The following APPBP2 variants were observed in gnomAD, a reference collection of about 807,000 sequenced individuals.
APPBP2 encodes amyloid protein-binding protein 2.
APPBP2 carries 15 observed loss-of-function variants against 76.0 expected under a neutral mutation model. That is an observed-to-expected ratio of 0.20 (90% CI 0.13 to 0.30). The LOEUF (loss-of-function observed/expected upper bound fraction) is 0.30. APPBP2 is among the 10% of genes least tolerant of loss of function. APPBP2 has a pLI of 1.00. For missense variants in APPBP2, 401 were observed against 687.2 expected, an observed-to-expected ratio of 0.58 and a Z score of 4.66; for synonymous variants, 222 against 242.2, an observed-to-expected ratio of 0.92 and a Z score of 0.77.
rs1332352897 is a variant in APPBP2, at chr17:60,526,239, G to C, written c.-308C>G. On this transcript the variant is annotated 5_prime_UTR_variant, in exon 1 of 13. Coordinates refer to ENST00000083182, the MANE Select transcript of APPBP2 (RefSeq NM_006380.5). ...GATCTCTGCAGGGGCGGGGCTGCGT[G>C]TGCGGCGTCATGACGTAAGCGCACG... The C allele has an allele frequency of 3.3e-6, 1 of 305,280 alleles. No individual in the cohort carries two copies. Among genetic ancestry groups the C allele is most frequent in the Admixed American group, 4.8e-5 (1 of 20,938 alleles). The allele number at this position is 305,280 out of a possible 1,614,324, so 18.9% of individuals were successfully genotyped here.
At chr17:60,518,385 G>C (rs2090981054) in intron 1 of APPBP2, among the ~76,000 whole-genome samples, 1 of 146,750 alleles carries the variant, frequency 6.8e-6, no homozygotes, top group Non-Finnish European at 1.5e-5. Flanking sequence ...GTGTGTGTGT[G>C]TGTGTGTGTG....
chr17:60,505,458 G>A (rs1000671060), intron 1 of APPBP2, among the ~76,000 whole-genome samples: 1 of 152,182 alleles, frequency 6.6e-6, no homozygotes, highest in African/African-American at 2.4e-5. Context: ...TGGGACTACA[G>A]GCGCCTGCCA....
intron 1 of APPBP2, among the ~76,000 whole-genome samples, chr17:60,512,848 AAAAAAAG>A (rs2090926333): frequency 2.0e-5 from 3 of 150,562 alleles, no homozygotes; most frequent in East Asian, 3.9e-4. Context: ...AAAAAAAAAA[AAAAAAAG>A]GAAAGGAAAA....
chr17:60,444,523 G>C lies in APPBP2; in HGVS notation c.*3058C>G, dbSNP rs1231369058. The C allele has an allele frequency of 1.3e-5, 2 of 151,964 alleles. No homozygotes were observed. Among genetic ancestry groups the C allele is most frequent in the Non-Finnish European group, 2.9e-5 (2 of 68,016 alleles). 9.4% of individuals were successfully genotyped at this position (151,964 alleles called of 1,614,324 possible). A position where few individuals can be genotyped will look rare whatever the true frequency, so the allele number is the denominator to read the frequency against. The stretch of plus-strand genomic sequence containing the variant: ...ATTATAAACTTTTCCCAACAGGCTA[G>C]GAACAAAGGTCTTTCTCAAATTATT... On this transcript the variant is annotated 3_prime_UTR_variant, in exon 13 of 13. Transcript: ENST00000083182.
chr17:60,526,051 G>T lies in APPBP2; in HGVS notation c.-120C>A, dbSNP rs935615288. On this transcript the variant is annotated 5_prime_UTR_variant, in exon 1 of 13. Transcript: ENST00000083182. Reference sequence around the variant, plus strand: ...GAGGGGCGGTGGCAGCCACGCGGGCGCACGGCAGAAGGCACGGCCGCCCTG... The same window carrying T: ...GAGGGGCGGTGGCAGCCACGCGGGCTCACGGCAGAAGGCACGGCCGCCCTG... The T allele has an allele frequency of 1.9e-6, 2 of 1,045,586 alleles. No individual in the cohort carries two copies. Among genetic ancestry groups the T allele is most frequent in the African/African-American group, 3.2e-5 (2 of 61,706 alleles). 64.8% of individuals were successfully genotyped at this position (1,045,586 alleles called of 1,614,324 possible).
rs555809580 is a variant in APPBP2 at position 60,503,117 on chromosome 17, A to C, written c.139-2630T>G. On this transcript the variant is annotated intron_variant, in intron 1 of 12. Coordinates refer to ENST00000083182, the MANE Select transcript of APPBP2 (RefSeq NM_006380.5). Reference sequence around the variant, plus strand: ...AACCTCCACCTCCTGGGTTCAAGCGATTCTCCTGCCTCAGCCTCCCGAATA... The same window carrying C: ...AACCTCCACCTCCTGGGTTCAAGCGCTTCTCCTGCCTCAGCCTCCCGAATA... Among the ~76,000 whole-genome samples the C allele has an allele frequency of 3.4e-4, 49 of 142,144 alleles. 1 individual carries two copies. The highest frequency in any genetic ancestry group is 1.4e-4 in the Admixed American group (2 of 14,698). 93.3% of individuals were successfully genotyped at this position (142,144 alleles called of 152,430 possible). A position where few individuals can be genotyped will look rare whatever the true frequency, so the allele number is the denominator to read the frequency against.
intron 12 of APPBP2, 59 bp from the exon 13 acceptor site, chr17:60,447,893 T>C: frequency 6.9e-7 from 1 of 1,458,530 alleles, no homozygotes; most frequent in East Asian, 2.3e-5. Context: ...TAACAAGCAA[T>C]TTCTATAACA....
intron 1 of APPBP2, among the ~76,000 whole-genome samples, chr17:60,503,418 G>C (rs979233696): frequency 7.0e-6 from 1 of 142,066 alleles, no homozygotes; most frequent in Non-Finnish European, 1.5e-5. Context: ...ACAGAGTTTT[G>C]CTCTTGTTGC....
chr17:60,467,941 A>T (rs2090523967), intron 4 of APPBP2, among the ~76,000 whole-genome samples: 1 of 152,222 alleles, frequency 6.6e-6, no homozygotes, highest in Non-Finnish European at 1.5e-5. Context: ...AGAAATGAGA[A>T]GGGAGAGATA....
rs775192269 is a variant in APPBP2, at chr17:60,462,065, A to C, written c.763-4T>G. On this transcript the variant is annotated splice_polypyrimidine_tract_variant and splice_region_variant and intron_variant, in intron 6 of 12. Coordinates refer to ENST00000083182, the MANE Select transcript of APPBP2 (RefSeq NM_006380.5). The stretch of plus-strand genomic sequence containing the variant: ...ATTCACGTTTTACTACACAAGCCTA[A>C]AGATAAAGTGAAAAATGGTTAACTC... 1.9e-6 allele frequency: 3 copies of C among 1,610,720 alleles called. No homozygotes were observed. The South Asian group carries it at 3.3e-5, about 18-fold the overall frequency.
chr17:60,474,260 T>A (rs2090573700), intron 4 of APPBP2, among the ~76,000 whole-genome samples: 1 of 151,754 alleles, frequency 6.6e-6, no homozygotes, highest in East Asian at 1.9e-4. Flanking sequence ...AACCTCCACC[T>A]CCCAGGTTCA....
chr17:60,506,236 C>T (rs1004756232), intron 1 of APPBP2, among the ~76,000 whole-genome samples: 1 of 152,076 alleles, frequency 6.6e-6, no homozygotes, highest in Non-Finnish European at 1.5e-5. Flanking sequence ...TCAAGTGATA[C>T]TCCCACCTAG....
At chr17:60,483,538 C>T (rs1037102689) in intron 3 of APPBP2, among the ~76,000 whole-genome samples, 4 of 152,034 alleles carry the variant, frequency 2.6e-5, no homozygotes, top group African/African-American at 7.2e-5. Flanking sequence ...GGACTATAGG[C>T]GCCCACCACC....
chr17:60,513,579 A>G (rs554360003), intron 1 of APPBP2: 228 of 419,208 alleles, frequency 5.4e-4, no homozygotes, highest in Non-Finnish European at 8.1e-4. Context: ...TTTTATTTTG[A>G]GGGCGGGCAC....
At chr17:60,498,339 A>G (rs1159900453) in intron 2 of APPBP2, among the ~76,000 whole-genome samples, 6 of 152,148 alleles carry the variant, frequency 3.9e-5, no homozygotes, top group East Asian at 1.9e-4. Flanking sequence ...GGGTTGTACA[A>G]TTACTGCCAC....
chr17:60,486,893 T>G (rs2090683729), intron 3 of APPBP2, among the ~76,000 whole-genome samples: 1 of 152,200 alleles, frequency 6.6e-6, no homozygotes, highest in Non-Finnish European at 1.5e-5. Flanking sequence ...GGCCTGGTGG[T>G]GACAAAATCT....
chr17:60,517,258 G>A (rs2090970671), intron 1 of APPBP2, among the ~76,000 whole-genome samples: 1 of 152,198 alleles, frequency 6.6e-6, no homozygotes, highest in African/African-American at 2.4e-5. Flanking sequence ...TTACAGGCGT[G>A]AGCCACCATG....
Position 60,466,470 on chromosome 17 carries a change from C to A in APPBP2, c.504-11G>T. 6.2e-7 allele frequency: 1 copy of A among 1,608,096 alleles called. No individual in the cohort carries two copies. The highest frequency in any genetic ancestry group is 8.5e-7 in the Non-Finnish European group (1 of 1,178,978). ...CGCACATGAAGCAACCTATAAAACACCAATAACATTGCTCTATTTTTGATA... is the reference window on the plus strand; with the variant it reads ...CGCACATGAAGCAACCTATAAAACAACAATAACATTGCTCTATTTTTGATA... On this transcript the variant is annotated splice_polypyrimidine_tract_variant and intron_variant, in intron 4 of 12. Transcript: ENST00000083182.
Position 60,445,950 on chromosome 17 carries a change from G to A in APPBP2, c.*1631C>T, listed in dbSNP as rs1342227464. On this transcript the variant is annotated 3_prime_UTR_variant, in exon 13 of 13. Transcript: ENST00000083182. ...CAAATAACAGCTTCAAACAAGGTTG[G>A]GAAGTTCAAAAAAGTGCTTAAAATA... The A allele has an allele frequency of 1.3e-5, 2 of 151,952 alleles. No homozygotes were observed. Among genetic ancestry groups the A allele is most frequent in the Non-Finnish European group, 1.5e-5 (1 of 67,980 alleles). The allele number at this position is 151,952 out of a possible 1,614,324, so 9.4% of individuals were successfully genotyped here.
Sources: allele counts gnomAD v4.1 joint callset (sites outside exome capture counted in the v4.1 genomes callset), GRCh38; gene constraint gnomAD v4.1.1; transcripts MANE v1.5; gene names NCBI Gene and HGNC (gene_info 2026-07-23, HGNC 2026-07-21).